Variants in GTF2E2 observed in about 807,000 individuals in gnomAD.
GTF2E2 encodes the protein transcription initiation factor IIE subunit beta.
Under a neutral mutation model 40.5 loss-of-function variants are expected in GTF2E2, and 21 were observed. That is an observed-to-expected ratio of 0.52 (90% CI 0.37 to 0.75). The LOEUF (loss-of-function observed/expected upper bound fraction) is 0.75. GTF2E2 is among the 30% of genes least tolerant of loss of function. The probability of loss-of-function intolerance (pLI) is 0.00; values close to 1 mark genes in which losing one functional copy is unlikely to be tolerated. For synonymous variants in GTF2E2, 117 were observed against 121.6 expected, an observed-to-expected ratio of 0.96 and a Z score of 0.25; for missense variants, 298 against 338.4, an observed-to-expected ratio of 0.88 and a Z score of 0.94.
chr8:30,648,553 C>A (rs1033915914), intron 2 of GTF2E2, among the ~76,000 whole-genome samples: 1 of 152,204 alleles, frequency 6.6e-6, no homozygotes, highest in African/African-American at 2.4e-5. Flanking sequence ...CCCCCTATGG[C>A]TGGGAACATA....
At position 30,614,704 on chromosome 8, in the gene GTF2E2, C is replaced by T. The variant is rs751095510; in HGVS notation, c.270G>A (p.Gln90=). Residue 90 remains glutamine, a synonymous_variant, in exon 4 of 8, where the codon CAG becomes CAA. Transcript: ENST00000355904. ...AGGTTAGAGGATGCGTATCTCCTCG[C>T]TGATGCCGTGTCTATCAAGTGAAGA... ...KIVNYMKTRH[Q]RGDTHPLTLD... is the part of the protein sequence containing the mutation. 1 of 1,593,710 alleles carries T rather than the reference C, an allele frequency of 6.3e-7. No homozygotes were observed. The highest frequency in any genetic ancestry group is 1.7e-5 in the Admixed American group (1 of 59,484).
intron 2 of GTF2E2, chr8:30,637,418 CAA>C (rs1383777381): frequency 7.7e-6 from 3 of 389,234 alleles, no homozygotes; most frequent in African/African-American, 6.3e-5. Context: ...AGTAAACACT[CAA>C]TAAATATTTG....
intron 6 of GTF2E2, among the ~76,000 whole-genome samples, chr8:30,590,844 C>A (rs552773270): frequency 3.2e-4 from 49 of 152,144 alleles, no homozygotes; most frequent in African/African-American, 1.0e-3. Context: ...ATGGGGACCA[C>A]CATGCCCAGC....
chr8:30,626,611 C>T (rs919126241), intron 3 of GTF2E2, among the ~76,000 whole-genome samples: 20 of 152,170 alleles, frequency 1.3e-4, no homozygotes, highest in African/African-American at 1.9e-4. Flanking sequence ...GACAGTGCAG[C>T]GTGATGATTT....
intron 3 of GTF2E2, among the ~76,000 whole-genome samples, chr8:30,622,559 AG>A (rs1801139966): frequency 6.6e-6 from 1 of 152,060 alleles, no homozygotes; most frequent in Non-Finnish European, 1.5e-5. Flanking sequence ...ATCAGGAGAC[AG>A]GGTTTTGAGA....
intron 6 of GTF2E2, among the ~76,000 whole-genome samples, chr8:30,588,871 G>A (rs1828757587): frequency 6.6e-6 from 1 of 152,182 alleles, no homozygotes; most frequent in Non-Finnish European, 1.5e-5. Context: ...TAATACGTTT[G>A]TGTTGTTTTA....
rs114133712 is a variant in GTF2E2 at position 30,612,398 on chromosome 8, G to C, written c.450C>G (p.Ala150=). The change falls in exon 5 of 8, where the codon GCC becomes GCG. Residue 150 remains alanine, a synonymous_variant. Coordinates refer to ENST00000355904, the MANE Select transcript of GTF2E2 (RefSeq NM_002095.6). ...KPKYNVRDKK[A]LLRLLDQHDQ... ...CATGCTGATCTAAGAGCCTAAGTAG[G>C]GCCTTCTTATCTCTCACGTTGTACT... 3.0e-5 allele frequency: 49 copies of C among 1,611,392 alleles called. No individual in the cohort carries two copies. The African/African-American group carries it at 6.3e-4, about 21-fold the overall frequency.
intron 6 of GTF2E2, among the ~76,000 whole-genome samples, chr8:30,593,371 A>T (rs1828903627): frequency 6.6e-6 from 1 of 152,226 alleles, no homozygotes; most frequent in Non-Finnish European, 1.5e-5. Flanking sequence ...CTGTGGATGT[A>T]TGTATTTCTC....
At position 30,578,931 on chromosome 8, in the gene GTF2E2, G is replaced by C. The variant is rs751070215; in HGVS notation, c.866C>G (p.Ser289Cys). ...GVLKDYSDIT[S>C]SK Reference sequence around the variant, plus strand: ...GGGCAAAACTGTTCCCTATTTGCTGGAAGTAATGTCAGAGTAATCCTTCAG... The same window carrying C: ...GGGCAAAACTGTTCCCTATTTGCTGCAAGTAATGTCAGAGTAATCCTTCAG... Residue 289 changes from serine to cysteine, a missense_variant, in exon 8 of 8, where the codon TCC becomes TGC. Physicochemically the swap from Ser to Cys is moderately radical, Grantham distance 112. Coordinates refer to ENST00000355904, the MANE Select transcript of GTF2E2 (RefSeq NM_002095.6). 1.8e-5 allele frequency: 28 copies of C among 1,527,702 alleles called. No homozygotes were observed. Among genetic ancestry groups the C allele is most frequent in the Middle Eastern group, 3.4e-4 (2 of 5,910 alleles). 94.6% of individuals were successfully genotyped at this position (1,527,702 alleles called of 1,614,324 possible).
intron 6 of GTF2E2, among the ~76,000 whole-genome samples, chr8:30,603,351 CAG>C (rs1323497255): frequency 1.3e-5 from 2 of 151,846 alleles, no homozygotes; most frequent in Non-Finnish European, 2.9e-5. Context: ...AAATGACAGT[CAG>C]AACTGATTCA....
At chr8:30,645,317 C>CCA in intron 2 of GTF2E2, 3 of 1,534,988 alleles carry the variant, frequency 2.0e-6, no homozygotes, top group Non-Finnish European at 2.6e-6. Flanking sequence ...AGAATGGCTT[C>CCA]CAGCCACTGG....
intron 5 of GTF2E2, among the ~76,000 whole-genome samples, chr8:30,610,573 G>A (rs967915731): frequency 2.0e-5 from 3 of 151,988 alleles, no homozygotes; most frequent in Non-Finnish European, 4.4e-5. Context: ...TTCCACATGA[G>A]TACCAAGACT....
chr8:30,648,808 A>G (rs1278259829), intron 2 of GTF2E2, among the ~76,000 whole-genome samples: 1 of 152,254 alleles, frequency 6.6e-6, no homozygotes, highest in Non-Finnish European at 1.5e-5. Context: ...TGAAGGAGAA[A>G]CAAGCTTCTG....
At chr8:30,579,389 G>A (rs1828443572) in intron 7 of GTF2E2, among the ~76,000 whole-genome samples, 1 of 152,212 alleles carries the variant, frequency 6.6e-6, no homozygotes, top group Non-Finnish European at 1.5e-5. Flanking sequence ...AAGATCTGAA[G>A]AAAATATGGC....
At chr8:30,646,140 A>C (rs1802064066) in intron 2 of GTF2E2, 1 of 152,222 alleles carries the variant, frequency 6.6e-6, no homozygotes, top group Admixed American at 6.5e-5. Context: ...AAGTCTCAAA[A>C]TAATCAAAAA....
intron 3 of GTF2E2, among the ~76,000 whole-genome samples, chr8:30,631,042 A>C (rs1801425960): frequency 1.3e-5 from 2 of 152,078 alleles, no homozygotes; most frequent in Admixed American, 1.3e-4. Flanking sequence ...TTATTTTTTT[A>C]TTAGCGACAA....
chr8:30,586,094 A>G (rs1828674476), intron 6 of GTF2E2, among the ~76,000 whole-genome samples: 1 of 152,192 alleles, frequency 6.6e-6, no homozygotes, highest in Non-Finnish European at 1.5e-5. Flanking sequence ...CAACAACAAC[A>G]AAACCAAATG....
chr8:30,610,866 T>A (rs2151127575), intron 5 of GTF2E2, among the ~76,000 whole-genome samples: 1 of 152,208 alleles, frequency 6.6e-6, no homozygotes, highest in East Asian at 1.9e-4. Context: ...AAGAGCACAA[T>A]CAACAGAGTA....
At chr8:30,582,600 T>A (rs188841740) in intron 6 of GTF2E2, among the ~76,000 whole-genome samples, 193 of 152,336 alleles carry the variant, frequency 1.3e-3, no homozygotes, top group Non-Finnish European at 2.1e-3. Context: ...ATCTCTTTGG[T>A]CTCCTCCATT....
Sources: gnomAD v4.1 joint callset for allele counts (sites outside exome capture counted in the v4.1 genomes callset) on GRCh38, gnomAD v4.1.1 for gene constraint, MANE v1.5 for transcripts, NCBI Gene and HGNC (gene_info 2026-07-23, HGNC 2026-07-21) for gene names.